FHAD1: variants seen among roughly 807,000 people sequenced by gnomAD.
The protein encoded by FHAD1 is forkhead associated phosphopeptide binding domain 1, also known as forkhead-associated domain-containing protein 1.
A neutral mutation model predicts 191.3 loss-of-function variants in FHAD1; 146 were observed. The observed-to-expected ratio is 0.76, with a 90% CI of 0.67 to 0.88. FHAD1 has a LOEUF of 0.88. Ranked by LOEUF, FHAD1 falls within the 40% of genes least tolerant of loss-of-function variation. The pLI, the probability that FHAD1 is intolerant of heterozygous loss-of-function variation, is 0.00. For synonymous variants in FHAD1, 616 were observed against 672.3 expected (o/e 0.92, Z 1.29); for missense variants, 1,635 against 1,785.8 (o/e 0.92, Z 1.52).
intron 1 of FHAD1, among the ~76,000 whole-genome samples, chr1:15,237,914 G>A (rs1215252496): frequency 6.6e-6 from 1 of 152,056 alleles, no homozygotes; most frequent in East Asian, 1.9e-4. Context: ...GATCAGCAGC[G>A]AGCGATGGGG....
chr1:15,277,019 G>A (rs113510181), intron 3 of FHAD1, among the ~76,000 whole-genome samples: 106 of 152,318 alleles, frequency 7.0e-4, no homozygotes, highest in Admixed American at 1.7e-3. Context: ...CGTTGTTTCT[G>A]CCATTATGAT....
rs1195934731 is a variant in FHAD1 at position 15,317,853 on chromosome 1, G to GTC, written c.1290_1291insTC (p.Lys431SerfsTer7). On this transcript the variant is annotated frameshift_variant, in exon 10 of 34. Coordinates refer to ENST00000688493, the MANE Select transcript of FHAD1 (RefSeq NM_001391957.1). LOFTEE classifies it high-confidence loss of function. ...TCCAAGACATGGAGAAAGAAATGAA[G>GTC]AAGCTTAGGGCAGAGCTGAGGAAGA... is the stretch of plus-strand genomic sequence containing the variant. 1 of 1,551,716 alleles carries GTC rather than the reference G, an allele frequency of 6.4e-7. No individual in the cohort carries two copies. The highest frequency in any genetic ancestry group is 1.2e-5 in the South Asian group (1 of 84,062).
chr1:15,329,525 C>T lies in FHAD1; in HGVS notation c.1890C>T (p.Pro630=), dbSNP rs914574933. The change falls in exon 14 of 34, where the codon CCC becomes CCT. Residue 630 remains proline (P), a synonymous_variant. Coordinates refer to ENST00000688493, the MANE Select transcript of FHAD1 (RefSeq NM_001391957.1). The surrounding 1 kb of genome is among the most constrained non-coding windows in gnomAD (Gnocchi z 5.0). ...EQLLRDLGIL[P]SSPNKGFSLY... is the part of the protein sequence containing the mutation. ...TCCTCCGGGACCTCGGGATCCTGCC[C>T]TCCAGCCCCAACAAAGGTTACTGGG... is the stretch of plus-strand genomic sequence containing the variant. 3.9e-6 allele frequency: 6 copies of T among 1,550,846 alleles called. No homozygotes were observed. The highest frequency in any genetic ancestry group is 4.4e-6 in the Non-Finnish European group (5 of 1,146,932).
chr1:15,394,370 A>G (rs1445767909), intron 33 of FHAD1, among the ~76,000 whole-genome samples: 10 of 152,164 alleles, frequency 6.6e-5, no homozygotes. Context: ...ACAGTCAGCA[A>G]TTTTATTGAA....
At chr1:15,331,205 C>G (rs1681222954) in intron 14 of FHAD1, among the ~76,000 whole-genome samples, 1 of 152,020 alleles carries the variant, frequency 6.6e-6, no homozygotes, top group Non-Finnish European at 1.5e-5. Context: ...TGTGAGACAT[C>G]TAAGATGAGA....
intron 3 of FHAD1, among the ~76,000 whole-genome samples, chr1:15,287,740 C>T (rs1663004871): frequency 6.6e-6 from 1 of 152,140 alleles, no homozygotes; most frequent in Admixed American, 6.5e-5. Context: ...TCACTGACTC[C>T]AAGAAAGAGC....
chr1:15,274,671 G>A (rs1222593217), intron 3 of FHAD1, among the ~76,000 whole-genome samples: 1 of 152,126 alleles, frequency 6.6e-6, no homozygotes, highest in African/African-American at 2.4e-5. Flanking sequence ...GAATGAGAAC[G>A]GTAGAGTTAT....
chr1:15,273,800 T>A lies in FHAD1; in HGVS notation c.300+1271T>A, dbSNP rs1259245968. The stretch of plus-strand genomic sequence containing the variant: ...CAGTTCAGTGTTGAGTGCATTCACA[T>A]TGTGGCGCTGCTGTCACACCGTCGA... On this transcript the variant is annotated intron_variant, in intron 3 of 33. Transcript: ENST00000688493. Among the ~76,000 whole-genome samples, 5 of 152,340 alleles carry A rather than the reference T, an allele frequency of 3.3e-5. No homozygotes were observed. The East Asian group carries it at 9.6e-4, about 29-fold the overall frequency.
At chr1:15,384,526 A>G (rs1370889864) in intron 31 of FHAD1, 1 of 152,252 alleles carries the variant, frequency 6.6e-6, no homozygotes, top group Non-Finnish European at 1.5e-5. Context: ...ATTGTCATGC[A>G]CTGGCTGAAA....
chr1:15,384,564 A>G (rs1701656108), intron 31 of FHAD1: 1 of 152,194 alleles, frequency 6.6e-6, no homozygotes, highest in Non-Finnish European at 1.5e-5. Flanking sequence ...GATTTACATA[A>G]TCAGTCCACA....
chr1:15,397,969 A>C lies in FHAD1; in HGVS notation c.*556A>C, dbSNP rs1440800700. The C allele has an allele frequency of 1.3e-5, 2 of 152,176 alleles. No individual in the cohort carries two copies. Among genetic ancestry groups the C allele is most frequent in the African/African-American group, 4.8e-5 (2 of 41,422 alleles). 9.4% of individuals were successfully genotyped at this position (152,176 alleles called of 1,614,324 possible). On this transcript the variant is annotated 3_prime_UTR_variant, in exon 34 of 34. Coordinates refer to ENST00000688493, the MANE Select transcript of FHAD1 (RefSeq NM_001391957.1). ...AACATAGTGAATACCTGTCTCTACT[A>C]AAAATACAAAAATTAGCCAGGTGTG...
chr1:15,316,104 C>A lies in FHAD1; in HGVS notation c.1171-274C>A, dbSNP rs903440815. On this transcript the variant is annotated intron_variant, in intron 8 of 33. Coordinates refer to ENST00000688493, the MANE Select transcript of FHAD1 (RefSeq NM_001391957.1). The surrounding 1 kb of genome is among the most constrained non-coding windows in gnomAD (Gnocchi z 4.3). ...ATTCCTCAGCACAGACTCTCCAAAG[C>A]TGGATTTTCCTTGTGGTTTAGATTG... is the stretch of plus-strand genomic sequence containing the variant. Among the ~76,000 whole-genome samples, 16 of 152,230 alleles carry A rather than the reference C, an allele frequency of 1.1e-4. No homozygotes were observed. Among genetic ancestry groups the A allele is most frequent in the African/African-American group, 3.9e-4 (16 of 41,472 alleles).
At chr1:15,345,640 T>G (rs1020080430) in intron 18 of FHAD1, 117 bp downstream of exon 18, 23 of 818,488 alleles carry the variant, frequency 2.8e-5, no homozygotes, top group Non-Finnish European at 4.6e-5. Context: ...TCGTGGAGTT[T>G]GCGTTTGGGT....
At chr1:15,343,563 C>T (rs1051383153) in intron 16 of FHAD1, among the ~76,000 whole-genome samples, 2 of 152,178 alleles carry the variant, frequency 1.3e-5, no homozygotes, top group Non-Finnish European at 2.9e-5. Context: ...CATCAGTCTC[C>T]TCCTCCTTCT....
At chr1:15,365,730 G>T in intron 23 of FHAD1, 97 bp from the exon 24 acceptor site, 6 of 690,356 alleles carry the variant, frequency 8.7e-6, no homozygotes, top group South Asian at 1.7e-5. Flanking sequence ...GACCGTGATT[G>T]AGAATCTCTT....
chr1:15,286,625 C>T (rs1231773682), intron 3 of FHAD1, among the ~76,000 whole-genome samples: 1 of 152,250 alleles, frequency 6.6e-6, no homozygotes, highest in African/African-American at 2.4e-5. Flanking sequence ...CCAGCCTAGT[C>T]TCCTTGGCTC....
intron 14 of FHAD1, 40 bp from the exon 15 acceptor site, chr1:15,339,441 G>T (rs755066940): frequency 9.8e-7 from 1 of 1,021,868 alleles, no homozygotes; most frequent in South Asian, 1.5e-5. Context: ...CTTTGGAGTT[G>T]AATTGATACT....
At chr1:15,305,796 A>T (rs1670295327) in intron 6 of FHAD1, 3 of 446,696 alleles carry the variant, frequency 6.7e-6, no homozygotes, top group Non-Finnish European at 8.9e-6. Flanking sequence ...CATGATTCTG[A>T]GGCCTCCCCG....
In FHAD1 at chr1:15,341,777, G is replaced by A; in HGVS notation, c.2019G>A (p.Leu673=). ...CTCAGGAAACTCAGCAGTCTTTACT[G>A]CAGGAAAAGCTGCGGGAGCATCTGG... ...NSSQETQQSL[L]QEKLREHLAE... The change falls in exon 16 of 34, where the codon CTG becomes CTA. Residue 673 remains leucine (L), a synonymous_variant. Transcript: ENST00000688493. 1.3e-6 allele frequency: 2 copies of A among 1,551,790 alleles called. No homozygotes were observed. The highest frequency in any genetic ancestry group is 1.7e-6 in the Non-Finnish European group (2 of 1,146,874).
Sources: gnomAD v4.1 joint callset for allele counts (sites outside exome capture counted in the v4.1 genomes callset) on GRCh38, gnomAD v4.1.1 for gene constraint, Gnocchi (gnomAD v3.1) non-coding constraint, MANE v1.5 for transcripts, NCBI Gene and HGNC (gene_info 2026-07-23, HGNC 2026-07-21) for gene names.